MAL: variants seen among roughly 807,000 people sequenced by gnomAD.
MAL encodes the protein myelin and lymphocyte protein.
In MAL, 5 loss-of-function variants were observed where a neutral mutation model predicts 16.7. That is an observed-to-expected ratio of 0.30 (90% CI 0.16 to 0.63). The LOEUF (loss-of-function observed/expected upper bound fraction) is 0.63. Ranked by LOEUF, MAL falls within the 30% of genes least tolerant of loss-of-function variation. The probability of loss-of-function intolerance (pLI) is 0.82; values close to 1 mark genes in which losing one functional copy is unlikely to be tolerated. For synonymous variants in MAL, 96 were observed against 85.5 expected (o/e 1.12, Z -0.67); for missense variants, 202 against 195.8 (o/e 1.03, Z -0.19).
chr2:95,028,294 G>T (rs1673996196), intron 1 of MAL, among the ~76,000 whole-genome samples: 1 of 151,872 alleles, frequency 6.6e-6, no homozygotes, highest in South Asian at 2.1e-4. Flanking sequence ...CTGCACTCCA[G>T]CCTGGGCAAC....
At chr2:95,033,191 C>T (rs772217021) in intron 1 of MAL, among the ~76,000 whole-genome samples, 14 of 152,154 alleles carry the variant, frequency 9.2e-5, no homozygotes, top group Non-Finnish European at 1.8e-4. Context: ...AGGAATAGGG[C>T]CACGGGGAAG....
intron 1 of MAL, among the ~76,000 whole-genome samples, chr2:95,046,350 G>T (rs924612883): frequency 1.3e-5 from 2 of 152,126 alleles, no homozygotes; most frequent in African/African-American, 2.4e-5. Context: ...AGTGCTTCGA[G>T]CCCAGTCCTC....
intron 1 of MAL, among the ~76,000 whole-genome samples, chr2:95,040,153 ATGCACACACATGCATGCACG>A (rs1674409230): frequency 2.0e-5 from 3 of 152,116 alleles, no homozygotes; most frequent in Admixed American, 2.0e-4. Context: ...GTGCATTCAC[ATGCACACACATGCATGCACG>A]TGCACACACA....
chr2:95,037,376 C>CTGAGTGATTGACTGAG, intron 1 of MAL, among the ~76,000 whole-genome samples: 1 of 96,104 alleles, frequency 1.0e-5, no homozygotes, highest in Middle Eastern at 8.8e-3. Flanking sequence ...GAGTGAGTGA[C>CTGAGTGATTGACTGAG]TGAGTGATTG....
intron 1 of MAL, among the ~76,000 whole-genome samples, chr2:95,034,808 G>A (rs1333708581): frequency 1.3e-5 from 2 of 152,114 alleles, no homozygotes; most frequent in East Asian, 3.9e-4. Flanking sequence ...TGACCCTTTA[G>A]GCCCGAGCTA....
At chr2:95,038,346 A>AGTGAGTGAGTGAGTG (rs1674309063) in intron 1 of MAL, among the ~76,000 whole-genome samples, 1 of 57,514 alleles carries the variant, frequency 1.7e-5, no homozygotes, top group Non-Finnish European at 3.7e-5. Context: ...GTGAGTGAGT[A>AGTGAGTGAGTGAGTG]ACTGAGTGAG....
intron 1 of MAL, among the ~76,000 whole-genome samples, chr2:95,045,212 C>T (rs1253539973): frequency 1.3e-5 from 2 of 152,178 alleles, no homozygotes; most frequent in East Asian, 3.9e-4. Context: ...AAATCGTTTC[C>T]TCACTGTGAA....
rs1443141415 is a variant in MAL, at chr2:95,049,680, C to T, written c.361C>T (p.His121Tyr). The T allele has an allele frequency of 1.2e-6, 2 of 1,614,218 alleles. No homozygotes were observed. Among genetic ancestry groups the T allele is most frequent in the South Asian group, 1.1e-5 (1 of 91,078 alleles). The change falls in exon 3 of 4, where the codon CAC (histidine) becomes TAC (tyrosine). Residue 121 changes from histidine (H) to tyrosine (Y), a missense_variant. Transcript: ENST00000309988. ...GATGCAAGACGGCTTCACCTACAGGCACTACCATGAAAACATTGCTGCCGT... is the reference window on the plus strand; with the variant it reads ...GATGCAAGACGGCTTCACCTACAGGTACTACCATGAAAACATTGCTGCCGT... Reference protein sequence around the residue: ...ITMQDGFTYRHYHENIAAVVF... With the variant: ...ITMQDGFTYRYYHENIAAVVF...
Position 95,048,095 on chromosome 2 carries a change from C to T in MAL, c.230C>T (p.Ala77Val), listed in dbSNP as rs534758572. 47 of 1,613,766 alleles carry T rather than the reference C, an allele frequency of 2.9e-5. No individual in the cohort carries two copies. The Middle Eastern group carries it at 5.0e-4, about 17-fold the overall frequency. ...TTGATCATCCTGTACATAATTGGAG[C>T]CCACGGTGGAGAGACTTCCTGGGTC... The part of the protein sequence containing the change: ...TTLIILYIIG[A>V]HGGETSWVTL... Residue 77 changes from alanine to valine, a missense_variant, in exon 2 of 4, where the codon GCC becomes GTC. By Grantham distance (64) the Ala-to-Val change is moderately conservative (BLOSUM62 0). Transcript: ENST00000309988.
intron 1 of MAL, among the ~76,000 whole-genome samples, chr2:95,035,905 G>A (rs879799897): frequency 1.3e-5 from 2 of 152,094 alleles, no homozygotes; most frequent in Non-Finnish European, 2.9e-5. Flanking sequence ...TCCTGACCTC[G>A]TGATCCGCTC....
intron 1 of MAL, among the ~76,000 whole-genome samples, chr2:95,036,004 C>G (rs984373116): frequency 6.6e-6 from 1 of 152,196 alleles, no homozygotes; most frequent in Non-Finnish European, 1.5e-5. Flanking sequence ...AATCTCTATC[C>G]CCTTCTTCAC....
intron 1 of MAL, among the ~76,000 whole-genome samples, chr2:95,043,069 C>G (rs1452072099): frequency 6.6e-6 from 1 of 152,252 alleles, no homozygotes; most frequent in African/African-American, 2.4e-5. Context: ...GGCTGCCCAG[C>G]CTTCAGCCTC....
chr2:95,053,360 G>T lies in MAL; in HGVS notation c.388-21G>T, dbSNP rs143231192. 94 of 1,566,708 alleles carry T rather than the reference G, an allele frequency of 6.0e-5. No individual in the cohort carries two copies. The African/African-American group carries it at 9.7e-4, about 16-fold the overall frequency. Reference sequence around the variant, plus strand: ...GCCCTCCCTACACAAACCCATTAACGGCCATTTCTCTTGGTTCCAGGTGTT... The same window carrying T: ...GCCCTCCCTACACAAACCCATTAACTGCCATTTCTCTTGGTTCCAGGTGTT... On this transcript the variant is annotated intron_variant, in intron 3 of 3. Coordinates refer to ENST00000309988, the MANE Select transcript of MAL (RefSeq NM_002371.4).
At chr2:95,028,130 A>C (rs749975188) in intron 1 of MAL, among the ~76,000 whole-genome samples, 10 of 148,050 alleles carry the variant, frequency 6.8e-5, no homozygotes, top group Non-Finnish European at 1.3e-4. Context: ...AACATGGTGA[A>C]ACCCCATCTC....
At chr2:95,051,417 C>T (rs974320387) in intron 3 of MAL, 5 of 152,244 alleles carry the variant, frequency 3.3e-5, no homozygotes, top group African/African-American at 1.2e-4. Flanking sequence ...CCCTCAAGTC[C>T]TGTCCCCATC....
chr2:95,030,605 G>GA (rs1349383571), intron 1 of MAL, among the ~76,000 whole-genome samples: 1 of 152,194 alleles, frequency 6.6e-6, no homozygotes, highest in Non-Finnish European at 1.5e-5. Flanking sequence ...CAGGACTTGT[G>GA]AAGGAAGTGC....
At chr2:95,032,986 A>T (rs920863387) in intron 1 of MAL, among the ~76,000 whole-genome samples, 1 of 152,244 alleles carries the variant, frequency 6.6e-6, no homozygotes, top group African/African-American at 2.4e-5. Flanking sequence ...GCACCTCCGC[A>T]GCGGGAAGAG....
At chr2:95,036,220 G>A (rs1674201188) in intron 1 of MAL, among the ~76,000 whole-genome samples, 1 of 152,200 alleles carries the variant, frequency 6.6e-6, no homozygotes, top group South Asian at 2.1e-4. Context: ...TTTGGTAGCA[G>A]TCCCAGGGGT....
Position 95,053,613 on chromosome 2 carries a change from G to A in MAL, c.*158G>A, listed in dbSNP as rs1302161142. The stretch of plus-strand genomic sequence containing the variant: ...AAAAAAAAGCCCTGCCCTGTTGCTC[G>A]TGGGTGCTGTGTTTACTCTCCCGTG... On this transcript the variant is annotated 3_prime_UTR_variant, in exon 4 of 4. Transcript: ENST00000309988. 1.6e-5 allele frequency: 10 copies of A among 627,694 alleles called. No homozygotes were observed. The highest frequency in any genetic ancestry group is 4.3e-4 in the Middle Eastern group (1 of 2,348). 38.9% of individuals were successfully genotyped at this position (627,694 alleles called of 1,614,324 possible).
Sources: allele counts gnomAD v4.1 joint callset (sites outside exome capture counted in the v4.1 genomes callset), GRCh38; gene constraint gnomAD v4.1.1; transcripts MANE v1.5; gene names NCBI Gene and HGNC (gene_info 2026-07-23, HGNC 2026-07-21).